Variants in PKDCC observed in about 807,000 individuals in gnomAD.
PKDCC encodes the protein extracellular tyrosine-protein kinase PKDCC.
PKDCC carries 35 observed loss-of-function variants against 44.7 expected under a neutral mutation model. The ratio of observed to expected loss-of-function variants is 0.78; its 90% CI spans 0.60 to 1.04. The LOEUF (loss-of-function observed/expected upper bound fraction) is 1.04, where lower values mean the gene tolerates loss of function less well. Ranked by LOEUF, PKDCC falls within the 50% of genes least tolerant of loss-of-function variation. The pLI, the probability that PKDCC is intolerant of heterozygous loss-of-function variation, is 0.00. For missense variants in PKDCC, 738 were observed against 672.7 expected, an observed-to-expected ratio of 1.10 and a Z score of -1.07; for synonymous variants, 353 against 303.3, an observed-to-expected ratio of 1.16 and a Z score of -1.70.
rs146806072 is a variant in PKDCC, at chr2:42,057,261, C to T, written c.1263C>T (p.Asp421=). 3.1e-6 allele frequency: 5 copies of T among 1,614,242 alleles called. No homozygotes were observed. The highest frequency in any genetic ancestry group is 4.2e-6 in the Non-Finnish European group (5 of 1,180,040). The change falls in exon 6 of 7, where the codon GAC becomes GAT. Residue 421 remains aspartate, a synonymous_variant. Transcript: ENST00000294964. The part of the protein sequence containing the change: ...CIPDSTIPQE[D]YRCWPSYHHG... ...CAGACAGCACCATCCCCCAGGAAGA[C>T]TACCGCTGCTGGCCATCCTACCACC...
chr2:42,048,660 G>A lies in PKDCC; in HGVS notation c.461G>A (p.Arg154Gln). Reference protein sequence around the residue: ...MGSGYTKAVYRVRLPGGAAVA... With the variant: ...MGSGYTKAVYQVRLPGGAAVA... Reference sequence around the variant, plus strand: ...TCAGGCTACACCAAGGCCGTGTACCGGGTCCGCCTGCCCGGCGGTGCCGCG... The same window carrying A: ...TCAGGCTACACCAAGGCCGTGTACCAGGTCCGCCTGCCCGGCGGTGCCGCG... The change falls in exon 1 of 7, where the codon CGG (arginine) becomes CAG (glutamine). Residue 154 changes from arginine (R) to glutamine (Q), a missense_variant. Physicochemically the swap from Arg to Gln is conservative, Grantham distance 43. Coordinates refer to ENST00000294964, the MANE Select transcript of PKDCC (RefSeq NM_138370.3). The surrounding 1 kb of genome is among the most constrained non-coding windows in gnomAD (Gnocchi z 6.2). 2 of 1,545,712 alleles carry A rather than the reference G, an allele frequency of 1.3e-6. No homozygotes were observed. The highest frequency in any genetic ancestry group is 1.4e-5 in the African/African-American group (1 of 73,108).
At chr2:42,053,198 C>A in intron 1 of PKDCC, 41 bp from the exon 2 acceptor site, 4 of 1,382,518 alleles carry the variant, frequency 2.9e-6, no homozygotes, top group South Asian at 2.5e-5. Context: ...TGTCCCCACC[C>A]CCACCCTGTG....
At chr2:42,057,532 A>G in intron 6 of PKDCC, 71 bp from the exon 7 acceptor site, 1 of 1,571,938 alleles carries the variant, frequency 6.4e-7, no homozygotes, top group East Asian at 2.3e-5. Flanking sequence ...AGGCAGTCAA[A>G]TTAGGGAGAA....
rs1558433136 is a variant in PKDCC, at chr2:42,055,739, C to A, written c.1222+346C>A. 2 of 217,064 alleles carry A rather than the reference C, an allele frequency of 9.2e-6. No individual in the cohort carries two copies. Among genetic ancestry groups the A allele is most frequent in the Admixed American group, 1.1e-4 (2 of 18,414 alleles). 13.4% of individuals were successfully genotyped at this position (217,064 alleles called of 1,614,324 possible). ...TGTGAATTGGGTTCACTATTACCCA[C>A]CTCACCAAATTCTTATGGGAATTAA... is the stretch of plus-strand genomic sequence containing the variant. On this transcript the variant is annotated intron_variant, in intron 5 of 6. Transcript: ENST00000294964. The surrounding 1 kb of genome is among the most constrained non-coding windows in gnomAD (Gnocchi z 4.5).
At chr2:42,056,964 T>C (rs1348049852) in intron 5 of PKDCC, among the ~76,000 whole-genome samples, 4 of 152,148 alleles carry the variant, frequency 2.6e-5, no homozygotes, top group Middle Eastern at 3.2e-3. Flanking sequence ...TATCTTGTAC[T>C]GCCTGACCAA....
rs1668038537 is a variant in PKDCC at position 42,055,440 on chromosome 2, A to T, written c.1222+47A>T. Reference sequence around the variant, plus strand: ...CACAGGGAAGCAAGAAACAGGTGGGAGGGTGAATGACCCCGCCCAATTAGG... The same window carrying T: ...CACAGGGAAGCAAGAAACAGGTGGGTGGGTGAATGACCCCGCCCAATTAGG... On this transcript the variant is annotated intron_variant, in intron 5 of 6. Transcript: ENST00000294964. This position sits in a 1 kb window ranked among gnomAD's most constrained non-coding sequence, Gnocchi z 4.5. 2 of 1,552,596 alleles carry T rather than the reference A, an allele frequency of 1.3e-6. No individual in the cohort carries two copies. The highest frequency in any genetic ancestry group is 1.8e-6 in the Non-Finnish European group (2 of 1,133,268).
Position 42,057,209 on chromosome 2 carries a change from C to A in PKDCC, c.1223-12C>A. The A allele has an allele frequency of 6.2e-7, 1 of 1,613,668 alleles. No homozygotes were observed. Among genetic ancestry groups the A allele is most frequent in the Non-Finnish European group, 8.5e-7 (1 of 1,179,652 alleles). On this transcript the variant is annotated splice_polypyrimidine_tract_variant and intron_variant, in intron 5 of 6. Transcript: ENST00000294964. The stretch of plus-strand genomic sequence containing the variant: ...TACAGAATTCTCATTTTACTCCATC[C>A]CCAACCCACAGAGTACCAGTGTATC...
rs1486308688 is a variant in PKDCC at position 42,055,992 on chromosome 2, G to A, written c.1222+599G>A. On this transcript the variant is annotated intron_variant, in intron 5 of 6. Transcript: ENST00000294964. The surrounding 1 kb of genome is among the most constrained non-coding windows in gnomAD (Gnocchi z 4.5). ...CTGCTGAAGCCCTGGGGTTTAGCTG[G>A]GGTTGGCAGGGGTTGAGGGGTGAGC... is the stretch of plus-strand genomic sequence containing the variant. Among the ~76,000 whole-genome samples, 1 of 152,164 alleles carries A rather than the reference G, an allele frequency of 6.6e-6. No homozygotes were observed. The highest frequency in any genetic ancestry group is 2.4e-5 in the African/African-American group (1 of 41,436).
chr2:42,048,544 G>GCCCCCGGCTCCCGGCCCAGGCT lies in PKDCC; in HGVS notation c.354_375dup (p.Pro126SerfsTer53). On this transcript the variant is annotated frameshift_variant, in exon 1 of 7. Coordinates refer to ENST00000294964, the MANE Select transcript of PKDCC (RefSeq NM_138370.3). LOFTEE classifies it high-confidence loss of function. This position sits in a 1 kb window ranked among gnomAD's most constrained non-coding sequence, Gnocchi z 6.2. ...CCCTGTCCGACGGCGCCCCAGGCTG[G>GCCCCCGGCTCCCGGCCCAGGCT]CCCCCGGCTCCCGGCCCAGGCTCCC... 7.9e-7 allele frequency: 1 copy of GCCCCCGGCTCCCGGCCCAGGCT among 1,260,066 alleles called. No individual in the cohort carries two copies. The highest frequency in any genetic ancestry group is 9.9e-7 in the Non-Finnish European group (1 of 1,009,804). 78.1% of individuals were successfully genotyped at this position (1,260,066 alleles called of 1,614,324 possible).
At chr2:42,056,304 T>C (rs1205896443) in intron 5 of PKDCC, among the ~76,000 whole-genome samples, 1 of 152,114 alleles carries the variant, frequency 6.6e-6, no homozygotes, top group Non-Finnish European at 1.5e-5. Flanking sequence ...GCTGAGGAGC[T>C]CACTGATTGT....
chr2:42,057,781 C>G lies in PKDCC; in HGVS notation c.*93C>G, dbSNP rs1668083171. On this transcript the variant is annotated 3_prime_UTR_variant, in exon 7 of 7. Transcript: ENST00000294964. Reference sequence around the variant, plus strand: ...CTTGCACTGGCAGCACTGCATGTCACCTGGGAACCCCTGCAGACAAAGCTA... The same window carrying G: ...CTTGCACTGGCAGCACTGCATGTCAGCTGGGAACCCCTGCAGACAAAGCTA... 9.8e-7 allele frequency: 1 copy of G among 1,021,918 alleles called. No homozygotes were observed. The highest frequency in any genetic ancestry group is 2.6e-5 in the East Asian group (1 of 38,978). The allele number at this position is 1,021,918 out of a possible 1,614,324, so 63.3% of individuals were successfully genotyped here. A position where few individuals can be genotyped will look rare whatever the true frequency, so the allele number is the denominator to read the frequency against.
chr2:42,048,105 G>C lies in PKDCC; in HGVS notation c.-95G>C, dbSNP rs182284067. Reference sequence around the variant, plus strand: ...ATGCGCGCGGGCTGGGCAGGGGGCCGGCGGGGCGCAGAGCGGAGCCGCCTC... The same window carrying C: ...ATGCGCGCGGGCTGGGCAGGGGGCCCGCGGGGCGCAGAGCGGAGCCGCCTC... On this transcript the variant is annotated 5_prime_UTR_variant, in exon 1 of 7. Transcript: ENST00000294964. The surrounding 1 kb of genome is among the most constrained non-coding windows in gnomAD (Gnocchi z 6.2). The C allele has an allele frequency of 1.3e-6, 1 of 751,712 alleles. No individual in the cohort carries two copies. The highest frequency in any genetic ancestry group is 1.6e-6 in the Non-Finnish European group (1 of 619,036). The allele number at this position is 751,712 out of a possible 1,614,324, so 46.6% of individuals were successfully genotyped here.
intron 2 of PKDCC, 77 bp from the exon 3 acceptor site, chr2:42,053,959 G>C: frequency 6.5e-7 from 1 of 1,535,470 alleles, no homozygotes; most frequent in Non-Finnish European, 8.8e-7. Flanking sequence ...CAGATTCCAA[G>C]AGGAGGGTGC....
rs201349790 is a variant in PKDCC at position 42,054,267 on chromosome 2, G to A, written c.994G>A (p.Glu332Lys). 3.5e-5 allele frequency: 56 copies of A among 1,606,296 alleles called. No homozygotes were observed. The highest frequency in any genetic ancestry group is 1.5e-4 in the Admixed American group (9 of 59,170). The change falls in exon 3 of 7, where the codon GAG becomes AAG. Residue 332 changes from glutamate (E) to lysine (K), a missense_variant. Coordinates refer to ENST00000294964, the MANE Select transcript of PKDCC (RefSeq NM_138370.3). This position sits in a 1 kb window ranked among gnomAD's most constrained non-coding sequence, Gnocchi z 6.1. Reference sequence around the variant, plus strand: ...GCCCTGCTCAGCCCAGGGCTGGTGCGAGGGCATGAACGAGAAGCGGAACCT... The same window carrying A: ...GCCCTGCTCAGCCCAGGGCTGGTGCAAGGGCATGAACGAGAAGCGGAACCT... ...TLPCSAQGWC[E>K]GMNEKRNLYN...
At chr2:42,056,506 G>A (rs1411601358) in intron 5 of PKDCC, among the ~76,000 whole-genome samples, 2 of 152,176 alleles carry the variant, frequency 1.3e-5, no homozygotes. Flanking sequence ...CCAAGGCCAG[G>A]AGAAAATGTG....
rs1028465012 is a variant in PKDCC, at chr2:42,053,544, C to T, written c.762+183C>T. The T allele has an allele frequency of 6.2e-5, 49 of 788,446 alleles. 1 individual carries two copies. The highest frequency in any genetic ancestry group is 5.8e-4 in the South Asian group (30 of 51,358). The allele number at this position is 788,446 out of a possible 1,614,324, so 48.8% of individuals were successfully genotyped here. On this transcript the variant is annotated intron_variant, in intron 2 of 6. Transcript: ENST00000294964. Reference sequence around the variant, plus strand: ...AAAAGAAGCAAGACTTAAAGGATCCCGACATGCTGTGCTCTTGCCCTCCTC... The same window carrying T: ...AAAAGAAGCAAGACTTAAAGGATCCTGACATGCTGTGCTCTTGCCCTCCTC...
chr2:42,048,981 C>T lies in PKDCC; in HGVS notation c.639+143C>T. ...TAGACGCAGAAACCGGACCATGGCC[C>T]TTCCCACTGCACCACCCTGCTTCTC... On this transcript the variant is annotated intron_variant, in intron 1 of 6. Coordinates refer to ENST00000294964, the MANE Select transcript of PKDCC (RefSeq NM_138370.3). The surrounding 1 kb of genome is among the most constrained non-coding windows in gnomAD (Gnocchi z 6.2). 7.9e-7 allele frequency: 1 copy of T among 1,272,808 alleles called. No individual in the cohort carries two copies. The allele number at this position is 1,272,808 out of a possible 1,614,324, so 78.8% of individuals were successfully genotyped here.
Position 42,048,829 on chromosome 2 carries a change from CG to C in PKDCC, c.631del (p.Val211CysfsTer19). On this transcript the variant is annotated frameshift_variant, in exon 1 of 7. Transcript: ENST00000294964. LOFTEE classifies it high-confidence loss of function. The surrounding 1 kb of genome is among the most constrained non-coding windows in gnomAD (Gnocchi z 6.2). ...VLLERLRHPN[V>X]LQLYGYCYQD... ...TGCTGGAGCGGCTGCGGCACCCCAA[CG>C]TGCTGCAGGTACGAGGGTGGGGACG... The C allele has an allele frequency of 4.8e-6, 7 of 1,464,218 alleles. No individual in the cohort carries two copies. The highest frequency in any genetic ancestry group is 5.5e-6 in the Non-Finnish European group (6 of 1,099,704). The allele number at this position is 1,464,218 out of a possible 1,614,324, so 90.7% of individuals were successfully genotyped here.
In PKDCC at chr2:42,057,257, A is replaced by G; in HGVS notation, c.1259A>G (p.Glu420Gly). The change falls in exon 6 of 7, where the codon GAA (glutamate) becomes GGA (glycine). Residue 420 changes from glutamate (E) to glycine (G), a missense_variant. Physicochemically the swap from Glu to Gly is moderately conservative, Grantham distance 98 (BLOSUM62 -2). Transcript: ENST00000294964. ...ATCCCAGACAGCACCATCCCCCAGG[A>G]AGACTACCGCTGCTGGCCATCCTAC... ...QCIPDSTIPQ[E>G]DYRCWPSYHH... The G allele has an allele frequency of 6.2e-7, 1 of 1,614,218 alleles. No individual in the cohort carries two copies. Among genetic ancestry groups the G allele is most frequent in the Non-Finnish European group, 8.5e-7 (1 of 1,180,042 alleles).
Sources: allele counts gnomAD v4.1 joint callset (sites outside exome capture counted in the v4.1 genomes callset), GRCh38; gene constraint gnomAD v4.1.1; non-coding constraint Gnocchi (gnomAD v3.1); transcripts MANE v1.5; gene names NCBI Gene and HGNC (gene_info 2026-07-23, HGNC 2026-07-21).